RBMS3: variants seen among roughly 807,000 people sequenced by gnomAD.
The protein encoded by RBMS3 is RNA binding motif single stranded interacting protein 3.
In RBMS3, 27 loss-of-function variants were observed where a neutral mutation model predicts 66.8. The ratio of observed to expected loss-of-function variants is 0.40; its 90% CI spans 0.30 to 0.56. The LOEUF (loss-of-function observed/expected upper bound fraction) is 0.56. Among genes scored for constraint, RBMS3 ranks in the 20% least tolerant of loss-of-function variants. The probability of loss-of-function intolerance (pLI) is 0.40; values close to 1 mark genes in which losing one functional copy is unlikely to be tolerated. For missense variants in RBMS3, 513 were observed against 549.5 expected (o/e 0.93, Z 0.66); for synonymous variants, 188 against 183.0 (o/e 1.03, Z -0.22).
intron 3 of RBMS3, among the ~76,000 whole-genome samples, chr3:29,552,560 G>A (rs946382794): frequency 1.3e-5 from 2 of 152,232 alleles, no homozygotes; most frequent in African/African-American, 2.4e-5. Flanking sequence ...GTAATAAAAT[G>A]CATCAACCGT....
At chr3:29,665,426 A>T (rs1407024767) in intron 4 of RBMS3, among the ~76,000 whole-genome samples, 2 of 152,216 alleles carry the variant, frequency 1.3e-5, no homozygotes, top group Non-Finnish European at 2.9e-5. Context: ...ATTCAATTAG[A>T]TTTCACCAAA....
At chr3:29,562,152 T>C (rs1049652084) in intron 3 of RBMS3, among the ~76,000 whole-genome samples, 4 of 152,202 alleles carry the variant, frequency 2.6e-5, no homozygotes, top group Non-Finnish European at 5.9e-5. Context: ...AGATTTTGAA[T>C]GATTTTTGTT....
chr3:29,663,953 G>C (rs978002306), intron 4 of RBMS3, among the ~76,000 whole-genome samples: 1 of 152,098 alleles, frequency 6.6e-6, no homozygotes, highest in Admixed American at 6.6e-5. Context: ...AATGTCTATG[G>C]CTTCAATTAT....
chr3:29,380,917 T>C (rs2038733506), intron 1 of RBMS3, among the ~76,000 whole-genome samples: 1 of 152,148 alleles, frequency 6.6e-6, no homozygotes, highest in African/African-American at 2.4e-5. Flanking sequence ...CATGATGGAT[T>C]GGAGATAAGT....
At chr3:29,336,234 A>G (rs972525564) in intron 1 of RBMS3, among the ~76,000 whole-genome samples, 2 of 152,134 alleles carry the variant, frequency 1.3e-5, no homozygotes, top group African/African-American at 4.8e-5. Flanking sequence ...GTTAATTTTC[A>G]TAGGCTTAGG....
At chr3:29,706,907 A>G (rs6809453) in intron 4 of RBMS3, among the ~76,000 whole-genome samples, 18,807 of 152,210 alleles carry the variant, frequency 0.12, 2,493 homozygotes, top group African/African-American at 0.33. Flanking sequence ...GAAAGGAAAT[A>G]CAGACTTTTT....
intron 3 of RBMS3, among the ~76,000 whole-genome samples, chr3:29,495,004 C>T (rs2043687205): frequency 1.3e-5 from 2 of 149,910 alleles, no homozygotes; most frequent in Non-Finnish European, 3.0e-5. Context: ...ATTTATGGAG[C>T]TTATGTTACC....
intron 4 of RBMS3, among the ~76,000 whole-genome samples, chr3:29,606,313 T>C (rs2048320460): frequency 2.0e-5 from 3 of 151,960 alleles, no homozygotes; most frequent in African/African-American, 4.8e-5. Flanking sequence ...CAAATATTTA[T>C]GGATCACTAC....
At chr3:29,926,351 G>A (rs2060938008) in intron 10 of RBMS3, among the ~76,000 whole-genome samples, 1 of 152,160 alleles carries the variant, frequency 6.6e-6, no homozygotes, top group Non-Finnish European at 1.5e-5. Context: ...AATATTCTCT[G>A]AGGGACCACA....
At chr3:29,470,737 C>T (rs1198295936) in intron 2 of RBMS3, among the ~76,000 whole-genome samples, 2 of 152,022 alleles carry the variant, frequency 1.3e-5, no homozygotes, top group African/African-American at 4.8e-5. Flanking sequence ...TGAAGATATA[C>T]TTGAAATAAA....
intron 4 of RBMS3, among the ~76,000 whole-genome samples, chr3:29,612,481 CTG>C (rs1341268571): frequency 6.6e-6 from 1 of 151,998 alleles, no homozygotes; most frequent in African/African-American, 2.4e-5. Flanking sequence ...TTGTACATGA[CTG>C]TGCTTTTATA....
intron 1 of RBMS3, among the ~76,000 whole-genome samples, chr3:29,323,593 A>G (rs572903981): frequency 6.6e-6 from 1 of 152,132 alleles, no homozygotes; most frequent in Admixed American, 6.5e-5. Flanking sequence ...ATCAGAAGCC[A>G]TATGTAATAT....
chr3:29,431,842 C>T (rs961410711), intron 1 of RBMS3, among the ~76,000 whole-genome samples: 8 of 152,112 alleles, frequency 5.3e-5, no homozygotes, highest in East Asian at 1.9e-4. Flanking sequence ...CCTCCCACCT[C>T]GGCCTCCTGG....
chr3:29,901,247 G>A (rs993656188), intron 10 of RBMS3, among the ~76,000 whole-genome samples: 4 of 151,736 alleles, frequency 2.6e-5, no homozygotes, highest in African/African-American at 9.7e-5. Flanking sequence ...GCATAGCAAA[G>A]ACTGAGCCAA....
intron 4 of RBMS3, among the ~76,000 whole-genome samples, chr3:29,599,685 G>T (rs1391873941): frequency 1.3e-5 from 2 of 152,054 alleles, no homozygotes; most frequent in Non-Finnish European, 2.9e-5. Context: ...CATTCATGTA[G>T]CAGGGAGGCT....
At chr3:29,967,123 T>A (rs1008534365) in intron 12 of RBMS3, among the ~76,000 whole-genome samples, 1 of 152,184 alleles carries the variant, frequency 6.6e-6, no homozygotes, top group African/African-American at 2.4e-5. Flanking sequence ...AGCATCTATG[T>A]TCATCAAGGA....
At chr3:29,490,833 A>G (rs3773029) in intron 3 of RBMS3, among the ~76,000 whole-genome samples, 11,008 of 152,078 alleles carry the variant, frequency 0.072, 675 homozygotes, top group African/African-American at 0.16. Context: ...AATGCGAATT[A>G]TAGTGCATCT....
intron 4 of RBMS3, among the ~76,000 whole-genome samples, chr3:29,668,830 GT>G: frequency 6.6e-6 from 1 of 152,312 alleles, no homozygotes; most frequent in East Asian, 1.9e-4. Flanking sequence ...TATAACTGAG[GT>G]TTTGAAAGAA....
At chr3:29,329,626 G>T (rs147270822) in intron 1 of RBMS3, among the ~76,000 whole-genome samples, 1,728 of 151,880 alleles carry the variant, frequency 0.011, 35 homozygotes, top group African/African-American at 0.04. Flanking sequence ...ATATTAACTA[G>T]ACAGATTTTC....
Sources: allele counts gnomAD v4.1 joint callset (sites outside exome capture counted in the v4.1 genomes callset), GRCh38; gene constraint gnomAD v4.1.1; transcripts MANE v1.5; gene names NCBI Gene and HGNC (gene_info 2026-07-23, HGNC 2026-07-21).